The following RBFOX1 variants were observed in gnomAD, a reference collection of about 807,000 sequenced individuals.
The protein encoded by RBFOX1 is RNA binding protein fox-1 homolog 1.
In RBFOX1, 8 loss-of-function variants were observed where a neutral mutation model predicts 57.7. The ratio of observed to expected loss-of-function variants is 0.14; its 90% CI spans 0.08 to 0.25. The LOEUF (loss-of-function observed/expected upper bound fraction) is 0.25. Ranked by LOEUF, RBFOX1 falls within the 10% of genes least tolerant of loss-of-function variation. The probability of loss-of-function intolerance (pLI) is 1.00; values close to 1 mark genes in which losing one functional copy is unlikely to be tolerated. For synonymous variants in RBFOX1, 326 were observed against 222.4 expected, an observed-to-expected ratio of 1.47 and a Z score of -4.15; for missense variants, 611 against 548.5, an observed-to-expected ratio of 1.11 and a Z score of -1.14.
intron 4 of RBFOX1, among the ~76,000 whole-genome samples, chr16:7,345,856 C>A (rs1303411069): frequency 6.6e-6 from 1 of 151,782 alleles, no homozygotes; most frequent in Non-Finnish European, 1.5e-5. Flanking sequence ...ACTTTAAGTT[C>A]TAGGGTACAT....
intron 4 of RBFOX1, among the ~76,000 whole-genome samples, chr16:7,211,439 G>A (rs967276693): frequency 5.4e-5 from 8 of 148,342 alleles, no homozygotes; most frequent in Admixed American, 1.3e-4. Flanking sequence ...AAATTTAAAC[G>A]TTTATCCAGT....
chr16:6,227,634 G>T (rs80033370), intron 1 of RBFOX1, among the ~76,000 whole-genome samples: 2,153 of 152,202 alleles, frequency 0.014, 29 homozygotes, highest in South Asian at 0.025. Flanking sequence ...AGAAAGTAGG[G>T]CAGCCATCTA....
chr16:5,946,188 C>G lies in RBFOX1; in HGVS notation c.351+78853C>G, dbSNP rs117990389. 6.6e-6 allele frequency among the ~76,000 whole-genome samples: 1 copy of G among 152,116 alleles called. No homozygotes were observed. The highest frequency in any genetic ancestry group is 1.5e-5 in the Non-Finnish European group (1 of 68,020). The stretch of plus-strand genomic sequence containing the variant: ...TGTGATGGAAAGTGCACAGACGGCC[C>G]GAGGTGGGGGCCAGGCTCTGCCACA... On this transcript the variant is annotated intron_variant, in intron 4 of 19. Coordinates refer to the RBFOX1 transcript ENST00000641259. The surrounding 1 kb of genome is among the most constrained non-coding windows in gnomAD (Gnocchi z 4.6).
At chr16:6,450,812 T>TAC (rs1567303360) in intron 2 of RBFOX1, among the ~76,000 whole-genome samples, 250 of 17,452 alleles carry the variant, frequency 0.014, 35 homozygotes, top group African/African-American at 0.062. Flanking sequence ...TATATATATA[T>TAC]ATATACATAT....
intron 1 of RBFOX1, among the ~76,000 whole-genome samples, chr16:5,330,707 C>CTT (rs772757574): frequency 6.2e-4 from 84 of 134,902 alleles, no homozygotes; most frequent in African/African-American, 2.1e-3. Flanking sequence ...GCCCAGCCTA[C>CTT]TTTTTTTTTT....
At position 7,712,279 on chromosome 16, in the gene RBFOX1, T is replaced by C. The variant is rs2084112073; in HGVS notation, c.*1534T>C. On this transcript the variant is annotated 3_prime_UTR_variant, in exon 16 of 16. Coordinates refer to ENST00000550418, the MANE Select transcript of RBFOX1 (RefSeq NM_018723.4). The stretch of plus-strand genomic sequence containing the variant: ...AGTAGTTTTGCTGCCATAGGTTAAG[T>C]CCTCATGTGTACAGTGCAGGCCCTG... 1 of 152,580 alleles carries C rather than the reference T, an allele frequency of 6.6e-6. No individual in the cohort carries two copies. Among genetic ancestry groups the C allele is most frequent in the Non-Finnish European group, 1.5e-5 (1 of 68,042 alleles). 9.5% of individuals were successfully genotyped at this position (152,580 alleles called of 1,614,324 possible). A position where few individuals can be genotyped will look rare whatever the true frequency, so the allele number is the denominator to read the frequency against.
chr16:6,062,649 C>T (rs1288112947), intron 1 of RBFOX1, among the ~76,000 whole-genome samples: 2 of 35,222 alleles, frequency 5.7e-5, no homozygotes, highest in African/African-American at 2.1e-4. Flanking sequence ...ATATACATAT[C>T]TATATGTATC....
intron 3 of RBFOX1, among the ~76,000 whole-genome samples, chr16:6,862,447 A>G (rs116278593): frequency 2.8e-3 from 422 of 152,300 alleles, no homozygotes; most frequent in African/African-American, 9.9e-3. Context: ...TGGGGATGCA[A>G]TGGCAGAGTT....
chr16:6,244,358 G>A (rs1185306068), intron 1 of RBFOX1, among the ~76,000 whole-genome samples: 1 of 152,104 alleles, frequency 6.6e-6, no homozygotes, highest in Non-Finnish European at 1.5e-5. Context: ...TCACTCACCT[G>A]CAGTCTTTGT....
chr16:7,379,988 G>C (rs943082040), intron 4 of RBFOX1, among the ~76,000 whole-genome samples: 1 of 151,998 alleles, frequency 6.6e-6, no homozygotes, highest in East Asian at 1.9e-4. Context: ...TCCAAAGTTA[G>C]GACTAAAGGC....
At chr16:7,148,777 C>G (rs147365409) in intron 4 of RBFOX1, among the ~76,000 whole-genome samples, 5 of 152,308 alleles carry the variant, frequency 3.3e-5, no homozygotes, top group South Asian at 2.1e-4. Flanking sequence ...CTGCCTGAGA[C>G]TAATCCTGAG....
At chr16:5,269,780 T>G (rs377373217) in intron 1 of RBFOX1, among the ~76,000 whole-genome samples, 5 of 152,302 alleles carry the variant, frequency 3.3e-5, no homozygotes, top group African/African-American at 1.2e-4. Context: ...TCTCTGAATA[T>G]ATTAAAAACC....
intron 2 of RBFOX1, among the ~76,000 whole-genome samples, chr16:6,530,080 T>C (rs2096635535): frequency 6.6e-6 from 1 of 152,216 alleles, no homozygotes; most frequent in Non-Finnish European, 1.5e-5. Flanking sequence ...TTTCTTCCCT[T>C]GTCAGTCAGA....
intron 1 of RBFOX1, among the ~76,000 whole-genome samples, chr16:6,050,884 G>A (rs996622390): frequency 2.0e-5 from 3 of 151,254 alleles, no homozygotes; most frequent in Admixed American, 1.3e-4. Context: ...TATTATCTTT[G>A]TTGATGCTCA....
intron 2 of RBFOX1, among the ~76,000 whole-genome samples, chr16:6,600,013 C>G (rs373405033): frequency 6.6e-6 from 1 of 152,134 alleles, no homozygotes; most frequent in Non-Finnish European, 1.5e-5. Flanking sequence ...TTCCCAAAGC[C>G]CAGATAACTG....
chr16:7,500,128 A>G (rs553893326), intron 4 of RBFOX1, among the ~76,000 whole-genome samples: 1 of 152,282 alleles, frequency 6.6e-6, no homozygotes, highest in East Asian at 1.9e-4. Context: ...TTAGCTACGG[A>G]AGAATAATAT....
At chr16:6,531,604 C>G (rs1039716344) in intron 2 of RBFOX1, among the ~76,000 whole-genome samples, 5 of 152,076 alleles carry the variant, frequency 3.3e-5, no homozygotes, top group African/African-American at 7.2e-5. Context: ...TAAAAGTGGC[C>G]TTAATGTTCT....
At chr16:7,450,282 T>C (rs1280279143) in intron 4 of RBFOX1, among the ~76,000 whole-genome samples, 2 of 149,778 alleles carry the variant, frequency 1.3e-5, no homozygotes, top group Admixed American at 1.4e-4. Flanking sequence ...TAATCCCAGC[T>C]ACTTGGGAGG....
At chr16:7,037,181 T>G (rs2044738400) in intron 3 of RBFOX1, among the ~76,000 whole-genome samples, 1 of 151,678 alleles carries the variant, frequency 6.6e-6, no homozygotes, top group African/African-American at 2.4e-5. Context: ...TCCTGTGACT[T>G]AGAATGCCTT....
Sources: allele counts gnomAD v4.1 joint callset (sites outside exome capture counted in the v4.1 genomes callset), GRCh38; gene constraint gnomAD v4.1.1; non-coding constraint Gnocchi (gnomAD v3.1); transcripts MANE v1.5; gene names NCBI Gene and HGNC (gene_info 2026-07-23, HGNC 2026-07-21).